DLGAP1: variants seen among roughly 807,000 people sequenced by gnomAD.
DLGAP1 encodes the protein DLG associated protein 1, also known as disks large-associated protein 1.
DLGAP1 carries 11 observed loss-of-function variants against 90.8 expected under a neutral mutation model. The ratio of observed to expected loss-of-function variants is 0.12; its 90% CI spans 0.08 to 0.20. The LOEUF (loss-of-function observed/expected upper bound fraction) is 0.20, where lower values mean the gene tolerates loss of function less well. Ranked by LOEUF, DLGAP1 falls within the 10% of genes least tolerant of loss-of-function variation. DLGAP1 has a pLI of 1.00. For synonymous variants in DLGAP1, 558 were observed against 540.7 expected, an observed-to-expected ratio of 1.03 and a Z score of -0.44; for missense variants, 1,050 against 1,333.8, an observed-to-expected ratio of 0.79 and a Z score of 3.31.
chr18:4,250,062 T>C (rs967708609), intron 1 of DLGAP1, among the ~76,000 whole-genome samples: 1 of 152,208 alleles, frequency 6.6e-6, no homozygotes, highest in African/African-American at 2.4e-5. Context: ...TAGATCCCAC[T>C]AAGCAAATCG....
intron 1 of DLGAP1, among the ~76,000 whole-genome samples, chr18:4,343,174 G>C (rs1167212221): frequency 6.6e-6 from 1 of 152,002 alleles, no homozygotes; most frequent in African/African-American, 2.4e-5. Flanking sequence ...GGGCGTGGTG[G>C]CAGGCGCCTG....
chr18:4,143,108 A>G (rs888369129), intron 2 of DLGAP1, among the ~76,000 whole-genome samples: 5 of 151,974 alleles, frequency 3.3e-5, no homozygotes, highest in Admixed American at 1.3e-4. Context: ...GGCCCGCACT[A>G]ACCACTGCCT....
At chr18:4,207,934 G>T (rs766881008) in intron 1 of DLGAP1, among the ~76,000 whole-genome samples, 3 of 152,090 alleles carry the variant, frequency 2.0e-5, no homozygotes, top group African/African-American at 7.2e-5. Flanking sequence ...GAAATCATCC[G>T]CATTTTTTTG....
At chr18:4,253,699 T>G (rs2078828973) in intron 1 of DLGAP1, among the ~76,000 whole-genome samples, 1 of 152,182 alleles carries the variant, frequency 6.6e-6, no homozygotes, top group Non-Finnish European at 1.5e-5. Flanking sequence ...CGTGAGTCAC[T>G]GTGCCTGGCA....
chr18:3,712,851 C>A (rs748997692), intron 7 of DLGAP1, among the ~76,000 whole-genome samples: 3 of 152,180 alleles, frequency 2.0e-5, no homozygotes, highest in African/African-American at 7.2e-5. Context: ...AAGATAGAAG[C>A]GGAATCAATT....
In DLGAP1 at chr18:4,090,994, A is replaced by G. The variant is rs368071139; in HGVS notation, c.-159+60186T>C. Among the ~76,000 whole-genome samples, 246 of 152,352 alleles carry G rather than the reference A, an allele frequency of 1.6e-3. 2 individuals carry two copies. The South Asian group carries it at 0.027, about 17-fold the overall frequency. ...ATCCTCAGCAAACTAACACAAGAAC[A>G]GAAAAGCAAACACTGCGTGTTCTCA... On this transcript the variant is annotated intron_variant, in intron 2 of 12. Transcript: ENST00000315677.
chr18:4,088,453 GT>G (rs1167014045), intron 2 of DLGAP1, among the ~76,000 whole-genome samples: 2 of 149,730 alleles, frequency 1.3e-5, no homozygotes, highest in Non-Finnish European at 3.0e-5. Context: ...GTGTGTGTGT[GT>G]CTGTATACAT....
At chr18:4,348,875 A>G (rs907293553) in intron 1 of DLGAP1, among the ~76,000 whole-genome samples, 1 of 152,196 alleles carries the variant, frequency 6.6e-6, no homozygotes, top group Non-Finnish European at 1.5e-5. Context: ...TTAATAGGTA[A>G]GGACAAAATC....
intron 6 of DLGAP1, among the ~76,000 whole-genome samples, chr18:3,735,742 T>C (rs1018462495): frequency 3.9e-5 from 6 of 152,192 alleles, no homozygotes; most frequent in Admixed American, 3.3e-4. Flanking sequence ...CAGGTAATCA[T>C]AAAACGGTAA....
intron 4 of DLGAP1, among the ~76,000 whole-genome samples, chr18:3,858,528 GCACA>G (rs148706272): frequency 5.7e-5 from 8 of 140,000 alleles, no homozygotes; most frequent in East Asian, 4.2e-4. Context: ...ATATATATAT[GCACA>G]CACACACACA....
At chr18:4,229,015 A>C (rs1382146311) in intron 1 of DLGAP1, among the ~76,000 whole-genome samples, 1 of 152,092 alleles carries the variant, frequency 6.6e-6, no homozygotes, top group African/African-American at 2.4e-5. Context: ...AACATAAAGC[A>C]TCAGTAGCAT....
intron 7 of DLGAP1, among the ~76,000 whole-genome samples, chr18:3,600,829 T>TATATAGATATATATAGATATATATAG (rs371412009): frequency 1.1e-4 from 3 of 26,948 alleles, no homozygotes; most frequent in African/African-American, 1.9e-4. Context: ...GATATATAGA[T>TATATAGATATATATAGATATATATAG]ATATATAGAT....
intron 4 of DLGAP1, among the ~76,000 whole-genome samples, chr18:3,876,756 C>T (rs2071015465): frequency 6.6e-6 from 1 of 151,952 alleles, no homozygotes; most frequent in African/African-American, 2.4e-5. Flanking sequence ...TCAAACGTTT[C>T]ATTACAAAAA....
At chr18:4,235,790 A>C (rs2078401455) in intron 1 of DLGAP1, among the ~76,000 whole-genome samples, 1 of 123,738 alleles carries the variant, frequency 8.1e-6, no homozygotes, top group Non-Finnish European at 1.6e-5. Context: ...CAGTGGCATG[A>C]TCTTGGCTCA....
intron 7 of DLGAP1, among the ~76,000 whole-genome samples, chr18:3,610,242 A>G (rs1340279099): frequency 2.0e-5 from 3 of 152,160 alleles, no homozygotes; most frequent in Non-Finnish European, 4.4e-5. Context: ...AGCCCTGCCA[A>G]GTTGCCATTT....
chr18:3,691,581 A>G (rs1248984303), intron 7 of DLGAP1, among the ~76,000 whole-genome samples: 1 of 152,152 alleles, frequency 6.6e-6, no homozygotes, highest in Non-Finnish European at 1.5e-5. Context: ...AAGAAAAACA[A>G]AAGAAGTCCT....
intron 1 of DLGAP1, among the ~76,000 whole-genome samples, chr18:4,289,721 A>G (rs2079798950): frequency 6.6e-6 from 1 of 152,122 alleles, no homozygotes; most frequent in African/African-American, 2.4e-5. Flanking sequence ...CCTAATTTTA[A>G]TGTTTAAATT....
At chr18:3,858,117 A>G (rs980981573) in intron 4 of DLGAP1, among the ~76,000 whole-genome samples, 2 of 152,140 alleles carry the variant, frequency 1.3e-5, no homozygotes, top group Admixed American at 6.5e-5. Flanking sequence ...AACAAAACCA[A>G]CTTCTCCATC....
intron 7 of DLGAP1, among the ~76,000 whole-genome samples, chr18:3,601,071 T>G (rs1302666321): frequency 6.7e-6 from 1 of 148,524 alleles, no homozygotes; most frequent in Admixed American, 6.8e-5. Flanking sequence ...GATATATAGA[T>G]ATATAGATAG....
Sources: allele counts gnomAD v4.1 joint callset (sites outside exome capture counted in the v4.1 genomes callset), GRCh38; gene constraint gnomAD v4.1.1; transcripts MANE v1.5; gene names NCBI Gene and HGNC (gene_info 2026-07-23, HGNC 2026-07-21).